Variants in MKX observed in about 807,000 individuals in gnomAD.
The protein encoded by MKX is mohawk homeobox.
MKX carries 13 observed loss-of-function variants against 36.0 expected under a neutral mutation model. The observed-to-expected ratio is 0.36, with a 90% CI of 0.24 to 0.57. The LOEUF (loss-of-function observed/expected upper bound fraction) is 0.57, where lower values mean the gene tolerates loss of function less well. MKX is among the 20% of genes least tolerant of loss of function. MKX has a pLI of 0.79. For synonymous variants in MKX, 176 were observed against 178.3 expected, an observed-to-expected ratio of 0.99 and a Z score of 0.10; for missense variants, 458 against 456.4, an observed-to-expected ratio of 1.00 and a Z score of -0.03.
chr10:27,737,213 T>C (rs943763968), intron 3 of MKX, among the ~76,000 whole-genome samples: 1 of 152,150 alleles, frequency 6.6e-6, no homozygotes, highest in African/African-American at 2.4e-5. Context: ...ACTGCCAAAA[T>C]CTTCATCCGA....
intron 5 of MKX, among the ~76,000 whole-genome samples, chr10:27,730,126 C>T (rs1465969484): frequency 6.6e-6 from 1 of 152,146 alleles, no homozygotes; most frequent in Non-Finnish European, 1.5e-5. Flanking sequence ...GACTAAATTT[C>T]CTTTGAGTAT....
At chr10:27,692,056 TG>T (rs1166250026) in intron 5 of MKX, among the ~76,000 whole-genome samples, 1 of 152,230 alleles carries the variant, frequency 6.6e-6, no homozygotes, top group Non-Finnish European at 1.5e-5. Flanking sequence ...TATTTTCCTT[TG>T]GCTATATACC....
intron 5 of MKX, among the ~76,000 whole-genome samples, chr10:27,699,255 G>A (rs1471331518): frequency 6.6e-6 from 1 of 152,164 alleles, no homozygotes; most frequent in African/African-American, 2.4e-5. Flanking sequence ...CCCACCTTTT[G>A]ACATGAAATA....
chr10:27,730,899 C>T (rs893193369), intron 5 of MKX, among the ~76,000 whole-genome samples: 1 of 151,858 alleles, frequency 6.6e-6, no homozygotes, highest in African/African-American at 2.4e-5. Flanking sequence ...CTTTGGGAGG[C>T]TGAGCCTGGC....
chr10:27,690,529 T>A (rs145142942), intron 5 of MKX, among the ~76,000 whole-genome samples: 68 of 152,322 alleles, frequency 4.5e-4, no homozygotes, highest in African/African-American at 1.4e-3. Flanking sequence ...GTACGTGACC[T>A]TGGGCAAGTT....
intron 5 of MKX, among the ~76,000 whole-genome samples, chr10:27,685,264 TA>T (rs1340936368): frequency 6.6e-6 from 1 of 152,182 alleles, no homozygotes; most frequent in Non-Finnish European, 1.5e-5. Context: ...CAGAACCTAT[TA>T]AAAATGGATT....
chr10:27,706,317 G>A (rs1012709072), intron 5 of MKX, among the ~76,000 whole-genome samples: 1 of 152,016 alleles, frequency 6.6e-6, no homozygotes, highest in African/African-American at 2.4e-5. Flanking sequence ...CATTTTGATT[G>A]TTATAAATAA....
chr10:27,700,442 C>T (rs1289743008), intron 5 of MKX, among the ~76,000 whole-genome samples: 2 of 152,152 alleles, frequency 1.3e-5, no homozygotes, highest in Non-Finnish European at 2.9e-5. Flanking sequence ...AATGTTTACA[C>T]TATCGGTAAA....
chr10:27,728,559 T>C (rs912953821), intron 5 of MKX, among the ~76,000 whole-genome samples: 1 of 152,208 alleles, frequency 6.6e-6, no homozygotes. Context: ...TTTTTGCATG[T>C]GGAATGAATG....
chr10:27,677,305 C>T (rs74129335), intron 5 of MKX, among the ~76,000 whole-genome samples: 4,418 of 152,120 alleles, frequency 0.029, 209 homozygotes, highest in African/African-American at 0.1. Flanking sequence ...CCTTTTACGC[C>T]CCCTGCCCCT....
At chr10:27,713,768 T>G (rs1836913587) in intron 5 of MKX, among the ~76,000 whole-genome samples, 1 of 152,112 alleles carries the variant, frequency 6.6e-6, no homozygotes, top group Non-Finnish European at 1.5e-5. Flanking sequence ...ACCAGAATAG[T>G]AAGTACAAAA....
At chr10:27,696,032 T>A (rs953390895) in intron 5 of MKX, among the ~76,000 whole-genome samples, 1 of 152,222 alleles carries the variant, frequency 6.6e-6, no homozygotes, top group Non-Finnish European at 1.5e-5. Flanking sequence ...CTTGTAGGAT[T>A]CATGCCTTTT....
chr10:27,707,166 G>A (rs555618983), intron 5 of MKX, among the ~76,000 whole-genome samples: 1 of 149,436 alleles, frequency 6.7e-6, no homozygotes, highest in Non-Finnish European at 1.5e-5. Flanking sequence ...AAAGCAAAAA[G>A]ATGTGCCCCA....
intron 5 of MKX, among the ~76,000 whole-genome samples, chr10:27,711,765 T>A (rs1325969659): frequency 3.3e-5 from 5 of 150,306 alleles, no homozygotes; most frequent in African/African-American, 1.2e-4. Context: ...TTTTTTTTTT[T>A]AATAGAAATG....
chr10:27,683,886 C>T (rs996899655), intron 5 of MKX, among the ~76,000 whole-genome samples: 3 of 152,226 alleles, frequency 2.0e-5, no homozygotes, highest in Non-Finnish European at 4.4e-5. Context: ...GGCTCACAAG[C>T]AATCCCCAGG....
At chr10:27,706,782 C>A (rs1268528139) in intron 5 of MKX, among the ~76,000 whole-genome samples, 1 of 152,000 alleles carries the variant, frequency 6.6e-6, no homozygotes, top group Non-Finnish European at 1.5e-5. Flanking sequence ...GAATGGCCTA[C>A]CTTTGATATA....
At chr10:27,729,284 C>T (rs1834564295) in intron 5 of MKX, among the ~76,000 whole-genome samples, 1 of 143,570 alleles carries the variant, frequency 7.0e-6, no homozygotes, top group Non-Finnish European at 1.5e-5. Context: ...CATTCTAATG[C>T]ACTAGGCCTT....
chr10:27,714,009 CAAAAAA>C (rs10632508), intron 5 of MKX, among the ~76,000 whole-genome samples: 3 of 102,526 alleles, frequency 2.9e-5, no homozygotes, highest in African/African-American at 3.1e-5. Context: ...GTGCAAAGAC[CAAAAAA>C]AAAAAAAAAA....
chr10:27,676,716 G>T (rs538078009), intron 5 of MKX, among the ~76,000 whole-genome samples: 13 of 152,284 alleles, frequency 8.5e-5, no homozygotes, highest in African/African-American at 3.1e-4. Context: ...TGGGCAAATA[G>T]TTCCCTCTGC....
Sources: allele counts gnomAD v4.1 joint callset (sites outside exome capture counted in the v4.1 genomes callset), GRCh38; gene constraint gnomAD v4.1.1; transcripts MANE v1.5; gene names NCBI Gene and HGNC (gene_info 2026-07-23, HGNC 2026-07-21).